The following ADGRB1 variants were observed in gnomAD, a reference collection of about 807,000 sequenced individuals.
ADGRB1 encodes the protein adhesion G protein-coupled receptor B1, also known as brain-specific angiogenesis inhibitor 1.
In ADGRB1, 36 loss-of-function variants were observed where a neutral mutation model predicts 175.7. The ratio of observed to expected loss-of-function variants is 0.20; its 90% CI spans 0.16 to 0.27. The LOEUF (loss-of-function observed/expected upper bound fraction) is 0.27. Among genes scored for constraint, ADGRB1 ranks in the 10% least tolerant of loss-of-function variants. The probability of loss-of-function intolerance (pLI) is 1.00; values close to 1 mark genes in which losing one functional copy is unlikely to be tolerated. For missense variants in ADGRB1, 1,731 were observed against 2,255.3 expected, an observed-to-expected ratio of 0.77 and a Z score of 4.71; for synonymous variants, 1,054 against 979.4, an observed-to-expected ratio of 1.08 and a Z score of -1.42.
At chr8:142,512,215 G>A (rs1214959551) in intron 18 of ADGRB1, among the ~76,000 whole-genome samples, 1 of 152,208 alleles carries the variant, frequency 6.6e-6, no homozygotes, top group Non-Finnish European at 1.5e-5. Context: ...GGCTGGACAG[G>A]GGTCTGTGTC....
At chr8:142,520,152 ATGGTGG>A (rs201413367) in intron 19 of ADGRB1, among the ~76,000 whole-genome samples, 2 of 63,412 alleles carry the variant, frequency 3.2e-5, no homozygotes, top group Admixed American at 1.5e-4. Flanking sequence ...TGATGGTGTG[ATGGTGG>A]TGGTAGTGGT....
At chr8:142,535,276 G>T (rs539733905) in intron 25 of ADGRB1, among the ~76,000 whole-genome samples, 1 of 152,332 alleles carries the variant, frequency 6.6e-6, no homozygotes, top group South Asian at 2.1e-4. Flanking sequence ...CTGGAGCAGA[G>T]GGCTGGCACT....
At chr8:142,530,094 C>T (rs1205866469) in intron 24 of ADGRB1, among the ~76,000 whole-genome samples, 1 of 151,946 alleles carries the variant, frequency 6.6e-6, no homozygotes, top group Admixed American at 6.6e-5. Context: ...GTGAGTGCAA[C>T]TTGATATTTT....
At chr8:142,477,626 A>T in intron 6 of ADGRB1, 77 bp downstream of exon 6, 1 of 1,515,648 alleles carries the variant, frequency 6.6e-7, no homozygotes, top group Admixed American at 2.0e-5. Context: ...GGCCAGGCCC[A>T]GGAGCCCAGC....
At chr8:142,500,267 C>T (rs1468764970) in intron 17 of ADGRB1, among the ~76,000 whole-genome samples, 4 of 110,210 alleles carry the variant, frequency 3.6e-5, no homozygotes. Context: ...CACCTCCCCA[C>T]GCGCCGCTCC....
chr8:142,541,846 C>T (rs890939818), intron 27 of ADGRB1, 95 bp from the exon 28 acceptor site: 33 of 1,332,808 alleles, frequency 2.5e-5, no homozygotes, highest in Admixed American at 4.7e-5. Context: ...GTGGCGGCCT[C>T]GCAGGGCAGA....
At chr8:142,529,051 G>A (rs1251798014) in intron 24 of ADGRB1, among the ~76,000 whole-genome samples, 1 of 152,254 alleles carries the variant, frequency 6.6e-6, no homozygotes, top group East Asian at 1.9e-4. Context: ...CGGAGCCCAG[G>A]ATGGCTGATG....
At position 142,524,323 on chromosome 8, in the gene ADGRB1, C is replaced by T. The variant is rs774309702; in HGVS notation, c.3312+19C>T. On this transcript the variant is annotated intron_variant, in intron 23 of 30. Coordinates refer to ENST00000517894, the MANE Select transcript of ADGRB1 (RefSeq NM_001702.3). Reference sequence around the variant, plus strand: ...TGTGCTGGTACTGACCCGCCCAGGCCCCACTCCCCACGACCCCACCTGGGC... The same window carrying T: ...TGTGCTGGTACTGACCCGCCCAGGCTCCACTCCCCACGACCCCACCTGGGC... The T allele has an allele frequency of 2.5e-6, 4 of 1,573,560 alleles. No homozygotes were observed. In the East Asian group the frequency reaches 6.9e-5, roughly 27 times the overall value.
rs953905747 is a variant in ADGRB1 at position 142,542,605 on chromosome 8, C to T, written c.4371C>T (p.Thr1457=). The part of the protein sequence containing the change: ...AHPGPSTGPS[T]KNENVATLSV... Reference sequence around the variant, plus strand: ...CGGGACCCAGCACGGGGCCCAGCACCAAGAACGAGAATGTCGCCACCTTGT... The same window carrying T: ...CGGGACCCAGCACGGGGCCCAGCACTAAGAACGAGAATGTCGCCACCTTGT... Residue 1457 remains threonine (T), a synonymous_variant, in exon 28 of 31, where the codon ACC becomes ACT. Coordinates refer to ENST00000517894, the MANE Select transcript of ADGRB1 (RefSeq NM_001702.3). This position sits in a 1 kb window ranked among gnomAD's most constrained non-coding sequence, Gnocchi z 6.3. The T allele has an allele frequency of 1.3e-6, 2 of 1,550,644 alleles. No homozygotes were observed. Among genetic ancestry groups the T allele is most frequent in the East Asian group, 2.5e-5 (1 of 40,330 alleles).
chr8:142,489,205 T>C (rs950719493), intron 15 of ADGRB1, 95 bp downstream of exon 15: 5 of 1,540,056 alleles, frequency 3.2e-6, no homozygotes, highest in East Asian at 2.3e-5. Context: ...CCAGGGGGCC[T>C]GGAGGAGTGT....
At position 142,493,276 on chromosome 8, in the gene ADGRB1, G is replaced by A. The variant is rs757355293; in HGVS notation, c.2675+2461G>A. 2.0e-5 allele frequency among the ~76,000 whole-genome samples: 3 copies of A among 152,064 alleles called. No individual in the cohort carries two copies. The highest frequency in any genetic ancestry group is 3.9e-4 in the East Asian group (2 of 5,166). On this transcript the variant is annotated intron_variant, in intron 17 of 30. Transcript: ENST00000517894. This position sits in a 1 kb window ranked among gnomAD's most constrained non-coding sequence, Gnocchi z 5.0. ...ACTGTGGCCGAAGAGGACATGCTGC[G>A]TGGCCTTGGGCAGAGCCTGTGCCCT...
At chr8:142,462,743 G>A (rs1159514194) in intron 1 of ADGRB1, among the ~76,000 whole-genome samples, 2 of 152,262 alleles carry the variant, frequency 1.3e-5, no homozygotes, top group South Asian at 2.1e-4. Context: ...CTGGGGGAGG[G>A]GGACTGGCTA....
At chr8:142,469,760 A>T (rs74590544) in intron 2 of ADGRB1, among the ~76,000 whole-genome samples, 20,746 of 151,080 alleles carry the variant, frequency 0.14, 1,616 homozygotes, top group East Asian at 0.19. Context: ...TGCCTGTGTG[A>T]ATGTATGTGT....
chr8:142,456,934 G>A (rs915948429), intron 1 of ADGRB1, among the ~76,000 whole-genome samples: 9 of 152,194 alleles, frequency 5.9e-5, no homozygotes, highest in Non-Finnish European at 1.2e-4. Context: ...CCCTGCCTTC[G>A]AGGGCAACTT....
At chr8:142,452,814 G>A (rs1839434381) in intron 1 of ADGRB1, among the ~76,000 whole-genome samples, 1 of 151,604 alleles carries the variant, frequency 6.6e-6, no homozygotes, top group Non-Finnish European at 1.5e-5. Flanking sequence ...GGGGCGCGGA[G>A]CCCGTCCTCC....
chr8:142,484,598 C>G (rs1311583038), intron 12 of ADGRB1, 58 bp from the exon 13 acceptor site: 1 of 1,473,420 alleles, frequency 6.8e-7, no homozygotes. Flanking sequence ...GGGAAGGAGG[C>G]AGGGGCTAAG....
intron 1 of ADGRB1, among the ~76,000 whole-genome samples, chr8:142,463,333 G>A (rs1275993445): frequency 6.6e-6 from 1 of 152,198 alleles, no homozygotes; most frequent in African/African-American, 2.4e-5. Context: ...CACCAAATCT[G>A]AACTCCCCTC....
intron 11 of ADGRB1, among the ~76,000 whole-genome samples, chr8:142,482,393 C>G (rs536732019): frequency 1.3e-4 from 19 of 150,970 alleles, no homozygotes; most frequent in African/African-American, 4.4e-4. Context: ...TCTGGTTACA[C>G]TCAGAACCCT....
At chr8:142,512,697 T>G (rs1237149849) in intron 18 of ADGRB1, among the ~76,000 whole-genome samples, 1 of 152,218 alleles carries the variant, frequency 6.6e-6, no homozygotes. Context: ...TACCCAGGAC[T>G]GGCTGTGAGG....
Sources: gnomAD v4.1 joint callset for allele counts (sites outside exome capture counted in the v4.1 genomes callset) on GRCh38, gnomAD v4.1.1 for gene constraint, Gnocchi (gnomAD v3.1) non-coding constraint, MANE v1.5 for transcripts, NCBI Gene and HGNC (gene_info 2026-07-23, HGNC 2026-07-21) for gene names.